Variants in RP1 observed in about 807,000 individuals in gnomAD.
The protein encoded by RP1 is oxygen-regulated protein 1.
A neutral mutation model predicts 14.8 loss-of-function variants in RP1; 16 were observed. That is an observed-to-expected ratio of 1.08 (90% confidence interval 0.73 to 1.65). The LOEUF (loss-of-function observed/expected upper bound fraction) is 1.65, where lower values mean the gene tolerates loss of function less well. RP1 is among the 40% of genes most tolerant of loss of function. The pLI is 0.00. For missense variants in RP1, 2,631 were observed against 2,535.0 expected (o/e 1.04, Z -0.81); for synonymous variants, 876 against 883.6 (o/e 0.99, Z 0.15).
chr8:54,638,004 T>C (rs1482678465), intron 3 of RP1, among the ~76,000 whole-genome samples: 1 of 152,144 alleles, frequency 6.6e-6, no homozygotes, highest in Non-Finnish European at 1.5e-5. Context: ...ACTGCTTCAA[T>C]CCAGGTCAGC....
At chr8:54,590,926 T>G (rs1413143394) in intron 1 of RP1, among the ~76,000 whole-genome samples, 2 of 152,214 alleles carry the variant, frequency 1.3e-5, no homozygotes, top group Non-Finnish European at 2.9e-5. Context: ...TATCAGTAAA[T>G]GGTCCTACCA....
chr8:54,864,414 A>T (rs560071818), intron 27 of RP1, among the ~76,000 whole-genome samples: 1 of 152,322 alleles, frequency 6.6e-6, no homozygotes, highest in East Asian at 1.9e-4. Context: ...AAAATAAAAC[A>T]TTTTAATTTT....
chr8:54,847,908 C>G (rs1811968990), intron 25 of RP1, among the ~76,000 whole-genome samples: 1 of 152,222 alleles, frequency 6.6e-6, no homozygotes, highest in Non-Finnish European at 1.5e-5. Context: ...ATGAATCAAA[C>G]AGCTGCTGCT....
intron 1 of RP1, among the ~76,000 whole-genome samples, 186 bp downstream of exon 1, chr8:54,616,388 T>C (rs1805715754): frequency 6.6e-6 from 1 of 152,238 alleles, no homozygotes; most frequent in Non-Finnish European, 1.5e-5. Context: ...TATGCTGATA[T>C]TGAAATAGAA....
At chr8:54,588,779 G>C (rs1017208143) in intron 1 of RP1, among the ~76,000 whole-genome samples, 1 of 152,152 alleles carries the variant, frequency 6.6e-6, no homozygotes, top group Non-Finnish European at 1.5e-5. Context: ...TTCGGCTTTT[G>C]TTCAGATACT....
At chr8:54,793,203 G>GA (rs1041405589) in intron 24 of RP1, among the ~76,000 whole-genome samples, 1 of 151,724 alleles carries the variant, frequency 6.6e-6, no homozygotes, top group Non-Finnish European at 1.5e-5. Flanking sequence ...TCCCAACAAG[G>GA]AAAAAACCAA....
intron 24 of RP1, among the ~76,000 whole-genome samples, chr8:54,801,600 G>A (rs557163244): frequency 5.9e-4 from 89 of 151,606 alleles, no homozygotes; most frequent in Admixed American, 1.4e-3. Context: ...ACTACCCCCA[G>A]CCAGAAAGAG....
chr8:54,737,348 A>G (rs1585648803), intron 18 of RP1, among the ~76,000 whole-genome samples: 1 of 152,194 alleles, frequency 6.6e-6, no homozygotes, highest in Non-Finnish European at 1.5e-5. Flanking sequence ...ACAGATAGGT[A>G]TCAAGTCACA....
intron 6 of RP1, among the ~76,000 whole-genome samples, chr8:54,661,289 A>AAATGATAAATATATGATATATC (rs1806889526): frequency 7.5e-6 from 1 of 132,662 alleles, no homozygotes; most frequent in Non-Finnish European, 1.6e-5. Context: ...TATGATATAT[A>AAATGATAAATATATGATATATC]AATGATATAT....
At chr8:54,778,321 C>CT (rs35643905) in intron 23 of RP1, among the ~76,000 whole-genome samples, 51 of 96,730 alleles carry the variant, frequency 5.3e-4, no homozygotes, top group Admixed American at 1.1e-3. Context: ...GCTTCTTCTT[C>CT]TTTTTTTTTT....
intron 16 of RP1, chr8:54,720,336 TG>T (rs1808505943): frequency 2.0e-6 from 3 of 1,522,838 alleles, no homozygotes; most frequent in Non-Finnish European, 2.6e-6. Context: ...CTTTGATTTT[TG>T]GTTTGCTTTA....
At chr8:54,597,294 T>A (rs886841001) in intron 1 of RP1, among the ~76,000 whole-genome samples, 1 of 152,182 alleles carries the variant, frequency 6.6e-6, no homozygotes, top group Admixed American at 6.5e-5. Context: ...AGTACATACT[T>A]CCTATAGTTG....
intron 25 of RP1, among the ~76,000 whole-genome samples, chr8:54,845,901 T>C (rs1811906680): frequency 6.6e-6 from 1 of 152,160 alleles, no homozygotes; most frequent in Non-Finnish European, 1.5e-5. Context: ...TCCTGAAACA[T>C]CTACTGGTCC....
At position 54,652,864 on chromosome 8, in the gene RP1, G is replaced by C. The variant is rs913511303; in HGVS notation, c.1036G>C (p.Glu346Gln). 19 of 1,533,768 alleles carry C rather than the reference G, an allele frequency of 1.2e-5. No individual in the cohort carries two copies. The African/African-American group carries it at 1.8e-4, about 14-fold the overall frequency. ...ATCCTCCCCTTCCTGGCACTGCAAG[G>C]AGGTAAGGATATATCAACACTTTCC... The change falls in exon 5 of 23, where the codon GAG (glutamate) becomes CAG (glutamine). Residue 346 changes from glutamate to glutamine, a missense_variant and splice_region_variant. By Grantham distance (29) the Glu-to-Gln change is conservative (BLOSUM62 2). Transcript: ENST00000636932.
rs555822104 is a variant in RP1 at position 54,629,260 on chromosome 8, C to T, written c.5378C>T (p.Pro1793Leu). ...VPYSHFGNLA[P>L]GPTMDELSSS... ...TATTCACATTTTGGTAATTTGGCCC[C>T]AGGCCCAACGATGGATGAACTCTCC... Residue 1793 changes from proline to leucine, a missense_variant, in exon 4 of 4, where the codon CCA (proline) becomes CTA (leucine). Coordinates refer to ENST00000220676, the MANE Select transcript of RP1 (RefSeq NM_006269.2). 1 of 1,613,800 alleles carries T rather than the reference C, an allele frequency of 6.2e-7. No individual in the cohort carries two copies. The highest frequency in any genetic ancestry group is 1.7e-5 in the Admixed American group (1 of 59,988).
At chr8:54,639,111 TG>T (rs1806410711) in intron 3 of RP1, among the ~76,000 whole-genome samples, 1 of 152,218 alleles carries the variant, frequency 6.6e-6, no homozygotes, top group Non-Finnish European at 1.5e-5. Flanking sequence ...GCCCAACCCT[TG>T]GAAACCATGG....
At chr8:54,657,449 T>C (rs752575649) in intron 6 of RP1, among the ~76,000 whole-genome samples, 1 of 152,228 alleles carries the variant, frequency 6.6e-6, no homozygotes, top group African/African-American at 2.4e-5. Context: ...ATTCTAACCA[T>C]ACCCTATCAT....
At chr8:54,776,301 A>C (rs188019173) in intron 23 of RP1, among the ~76,000 whole-genome samples, 2 of 152,266 alleles carry the variant, frequency 1.3e-5, no homozygotes, top group Non-Finnish European at 2.9e-5. Flanking sequence ...TCTTGGCCTC[A>C]AGGGATCCTC....
chr8:54,784,455 A>G (rs1187718544), intron 24 of RP1, among the ~76,000 whole-genome samples: 1 of 152,142 alleles, frequency 6.6e-6, no homozygotes, highest in Non-Finnish European at 1.5e-5. Context: ...TAAATAGAAC[A>G]CTTTGGTAGT....
Sources: allele counts gnomAD v4.1 joint callset (sites outside exome capture counted in the v4.1 genomes callset), GRCh38; gene constraint gnomAD v4.1.1; transcripts MANE v1.5; gene names NCBI Gene and HGNC (gene_info 2026-07-23, HGNC 2026-07-21).